The following CDH1 variants were observed in gnomAD, a reference collection of about 807,000 sequenced individuals.
The protein encoded by CDH1 is cadherin 1, also known as cadherin-1.
CDH1 carries 35 observed loss-of-function variants against 84.5 expected under a neutral mutation model. That is an observed-to-expected ratio of 0.41 (90% confidence interval 0.32 to 0.55). CDH1 has a LOEUF of 0.55. Ranked by LOEUF, CDH1 falls within the 20% of genes least tolerant of loss-of-function variation. CDH1 has a pLI of 0.19. For missense variants in CDH1, 994 were observed against 1,126.6 expected, an observed-to-expected ratio of 0.88 and a Z score of 1.68; for synonymous variants, 417 against 439.0, an observed-to-expected ratio of 0.95 and a Z score of 0.63.
intron 2 of CDH1, among the ~76,000 whole-genome samples, chr16:68,758,254 A>C (rs1159932307): frequency 8.6e-6 from 1 of 116,378 alleles, no homozygotes; most frequent in Non-Finnish European, 1.6e-5. Flanking sequence ...AGAGAGAGAG[A>C]GACCCAAATG....
intron 13 of CDH1, among the ~76,000 whole-genome samples, chr16:68,826,211 C>A (rs997513292): frequency 3.9e-5 from 6 of 151,976 alleles, no homozygotes; most frequent in Non-Finnish European, 8.8e-5. Context: ...TTTTTAGACA[C>A]TGGGGGTGGG....
At chr16:68,812,348 G>C (rs2152132846) in intron 8 of CDH1, 85 bp downstream of exon 8, 1 of 1,440,980 alleles carries the variant, frequency 6.9e-7, no homozygotes, top group Non-Finnish European at 9.7e-7. Flanking sequence ...CATGGGCGAA[G>C]TCTTTGAAAA....
chr16:68,804,408 C>A lies in CDH1; in HGVS notation c.387+2515C>A, dbSNP rs544096673. ...GATTACAGGTGTGAGCCACTGCGCC[C>A]GGCCCTATCTGCCTTTTAAGAAACC... On this transcript the variant is annotated intron_variant, in intron 3 of 15. Transcript: ENST00000261769. Among the ~76,000 whole-genome samples, 11 of 152,174 alleles carry A rather than the reference C, an allele frequency of 7.2e-5. No homozygotes were observed. In the East Asian group the frequency reaches 2.1e-3, roughly 29 times the overall value.
At chr16:68,792,838 C>CGTCTGCT (rs959908023) in intron 2 of CDH1, among the ~76,000 whole-genome samples, 2 of 152,202 alleles carry the variant, frequency 1.3e-5, no homozygotes, top group African/African-American at 4.8e-5. Context: ...TCTCCACCCC[C>CGTCTGCT]GTCTGCTTTG....
chr16:68,777,788 G>C (rs929497342), intron 2 of CDH1, among the ~76,000 whole-genome samples: 1 of 151,970 alleles, frequency 6.6e-6, no homozygotes, highest in Non-Finnish European at 1.5e-5. Flanking sequence ...CTGGAGTGCA[G>C]TGGCACAATT....
At position 68,778,467 on chromosome 16, in the gene CDH1, A is replaced by T. The variant is rs531554738; in HGVS notation, c.164-23203A>T. ...AGCTCTTGTTCAGATTAGTAAGTAG[A>T]GCTCCAGTCCTGAGCTTTTAGTAAA... is the stretch of plus-strand genomic sequence containing the variant. On this transcript the variant is annotated intron_variant, in intron 2 of 15. Coordinates refer to ENST00000261769, the MANE Select transcript of CDH1 (RefSeq NM_004360.5). Among the ~76,000 whole-genome samples, 3 of 152,314 alleles carry T rather than the reference A, an allele frequency of 2.0e-5. No individual in the cohort carries two copies. In the East Asian group the frequency reaches 5.8e-4, roughly 29 times the overall value.
chr16:68,822,195 G>A lies in CDH1; in HGVS notation c.1906G>A (p.Ala636Thr), dbSNP rs876658950. The A allele has an allele frequency of 2.5e-6, 4 of 1,614,078 alleles. No individual in the cohort carries two copies. In the Admixed American group the frequency reaches 6.7e-5, roughly 27 times the overall value. Residue 636 changes from alanine to threonine, a missense_variant, in exon 12 of 16, where the codon GCC becomes ACC. Physicochemically the swap from Ala to Thr is moderately conservative, Grantham distance 58. Transcript: ENST00000261769. ...FTAELTHGAS[A>T]NWTIQYNDPT... The stretch of plus-strand genomic sequence containing the variant: ...AGCAGAACTAACACACGGGGCGAGT[G>A]CCAACTGGACCATTCAGTACAACGA...
At chr16:68,804,643 G>C (rs1960603663) in intron 3 of CDH1, among the ~76,000 whole-genome samples, 2 of 151,974 alleles carry the variant, frequency 1.3e-5, no homozygotes. Flanking sequence ...GTGGATATTG[G>C]GTGGTAGGTA....
chr16:68,778,641 T>A (rs1210633420), intron 2 of CDH1, among the ~76,000 whole-genome samples: 1 of 152,184 alleles, frequency 6.6e-6, no homozygotes, highest in South Asian at 2.1e-4. Context: ...GAATATATTG[T>A]GTGTGTAATC....
chr16:68,786,529 TTTTTC>T (rs1375999710), intron 2 of CDH1, among the ~76,000 whole-genome samples: 9 of 121,000 alleles, frequency 7.4e-5, no homozygotes, highest in Admixed American at 1.0e-4. Flanking sequence ...TCTTTTTTTT[TTTTTC>T]TTTTTTTTTT....
intron 2 of CDH1, among the ~76,000 whole-genome samples, chr16:68,756,385 G>A (rs2152118371): frequency 6.6e-6 from 1 of 152,084 alleles, no homozygotes; most frequent in African/African-American, 2.4e-5. Context: ...GGTGGGGTGG[G>A]GCCCTGAGTC....
At chr16:68,827,339 C>T (rs1305498053) in intron 13 of CDH1, among the ~76,000 whole-genome samples, 1 of 149,704 alleles carries the variant, frequency 6.7e-6, no homozygotes, top group Non-Finnish European at 1.5e-5. Flanking sequence ...GGTACTTGGG[C>T]ACCCATGGAT....
chr16:68,747,979 G>A (rs917494713), intron 2 of CDH1, among the ~76,000 whole-genome samples: 4 of 152,038 alleles, frequency 2.6e-5, no homozygotes, highest in African/African-American at 9.7e-5. Context: ...GGCCAGGCTG[G>A]TCTCAAACTC....
chr16:68,777,252 T>G (rs977942953), intron 2 of CDH1, among the ~76,000 whole-genome samples: 2 of 152,234 alleles, frequency 1.3e-5, no homozygotes, highest in Non-Finnish European at 2.9e-5. Flanking sequence ...GGCCTGTGCT[T>G]GCTCGAATTC....
Position 68,815,808 on chromosome 16 carries a change from A to G in CDH1, c.1565+49A>G, listed in dbSNP as rs550884117. 4.6e-5 allele frequency: 73 copies of G among 1,596,560 alleles called. 1 individual carries two copies. In the South Asian group the frequency reaches 7.7e-4, roughly 17 times the overall value. On this transcript the variant is annotated intron_variant, in intron 10 of 15. Coordinates refer to ENST00000261769, the MANE Select transcript of CDH1 (RefSeq NM_004360.5). ...GACTTGCAGCAACTGGTTATTTTAT[A>G]TCATTTTATATGTAAATCAATAATA...
intron 2 of CDH1, among the ~76,000 whole-genome samples, chr16:68,754,650 A>G (rs1040302406): frequency 4.6e-5 from 7 of 152,176 alleles, no homozygotes; most frequent in Non-Finnish European, 1.0e-4. Flanking sequence ...ACAGTCTGTG[A>G]GCAGCCAGGT....
intron 2 of CDH1, among the ~76,000 whole-genome samples, chr16:68,774,332 C>T (rs932747221): frequency 2.6e-5 from 4 of 152,150 alleles, no homozygotes; most frequent in African/African-American, 9.7e-5. Flanking sequence ...TGAGCCTGGC[C>T]CACATGGTGA....
At chr16:68,819,164 G>C in intron 10 of CDH1, 116 bp from the exon 11 acceptor site, 1 of 1,240,754 alleles carries the variant, frequency 8.1e-7, no homozygotes. Flanking sequence ...CCTATTGTTG[G>C]TTTTCAAAAT....
chr16:68,744,616 A>G (rs537913533), intron 2 of CDH1, among the ~76,000 whole-genome samples: 244 of 152,126 alleles, frequency 1.6e-3, no homozygotes, highest in African/African-American at 5.4e-3. Context: ...CTTCTGCCCA[A>G]GATTTGGGTG....
Sources: gnomAD v4.1 joint callset for allele counts (sites outside exome capture counted in the v4.1 genomes callset) on GRCh38, gnomAD v4.1.1 for gene constraint, MANE v1.5 for transcripts, NCBI Gene and HGNC (gene_info 2026-07-23, HGNC 2026-07-21) for gene names.